The following TENM3 variants were observed in gnomAD, a reference collection of about 807,000 sequenced individuals.
TENM3 encodes teneurin transmembrane protein 3.
A neutral mutation model predicts 255.1 loss-of-function variants in TENM3; 63 were observed. The ratio of observed to expected loss-of-function variants is 0.25; its 90% CI spans 0.20 to 0.30. TENM3 has a LOEUF of 0.30. Among genes scored for constraint, TENM3 ranks in the 10% least tolerant of loss-of-function variants. The pLI is 1.00. For missense variants in TENM3, 2,929 were observed against 3,461.1 expected, an observed-to-expected ratio of 0.85 and a Z score of 3.86; for synonymous variants, 1,306 against 1,322.3, an observed-to-expected ratio of 0.99 and a Z score of 0.27.
the TENM3 span, among the ~76,000 whole-genome samples, chr4:181,623,180 G>C: frequency 6.6e-6 from 1 of 152,118 alleles, no homozygotes; most frequent in Non-Finnish European, 1.5e-5. Context: ...GGCTCGAATG[G>C]CAGTTTTGCT....
At chr4:181,609,441 G>T in the TENM3 span, among the ~76,000 whole-genome samples, 1 of 151,918 alleles carries the variant, frequency 6.6e-6, no homozygotes, top group Admixed American at 6.6e-5. Context: ...TTCTCTTTTA[G>T]ACTTTTTCAC....
the TENM3 span, among the ~76,000 whole-genome samples, chr4:182,050,513 T>C: frequency 6.6e-6 from 1 of 151,986 alleles, no homozygotes; most frequent in African/African-American, 2.4e-5. Flanking sequence ...TGAAAGAAAA[T>C]TCTATTGTGG....
chr4:182,352,037 G>T (rs1765216188), intron 3 of TENM3, among the ~76,000 whole-genome samples: 2 of 152,078 alleles, frequency 1.3e-5, no homozygotes, highest in South Asian at 4.2e-4. Flanking sequence ...ACAATATCAA[G>T]TGCCTACCTA....
At chr4:182,065,193 C>A in the TENM3 span, among the ~76,000 whole-genome samples, 1 of 152,016 alleles carries the variant, frequency 6.6e-6, no homozygotes, top group Admixed American at 6.6e-5. Context: ...TGGCACCATG[C>A]CTATCTAATT....
intron 3 of TENM3, among the ~76,000 whole-genome samples, chr4:182,482,032 T>C (rs1181567290): frequency 6.6e-6 from 1 of 152,202 alleles, no homozygotes; most frequent in African/African-American, 2.4e-5. Flanking sequence ...TAATTGAGTA[T>C]ATTTAAATGC....
chr4:182,725,548 A>G (rs1760093559), intron 13 of TENM3, among the ~76,000 whole-genome samples: 1 of 151,870 alleles, frequency 6.6e-6, no homozygotes, highest in South Asian at 2.1e-4. Context: ...TTTCATCTTC[A>G]TGCCCTTTTG....
intron 19 of TENM3, among the ~76,000 whole-genome samples, chr4:182,750,282 CT>C (rs1418600198): frequency 6.6e-6 from 1 of 152,114 alleles, no homozygotes; most frequent in Non-Finnish European, 1.5e-5. Context: ...CCTAGTCTGT[CT>C]TTTGTCACTC....
At chr4:182,348,096 T>C (rs898954526) in intron 3 of TENM3, among the ~76,000 whole-genome samples, 4 of 152,178 alleles carry the variant, frequency 2.6e-5, no homozygotes, top group Non-Finnish European at 5.9e-5. Flanking sequence ...TTTAAACCAA[T>C]GCAATCAATT....
At chr4:181,933,134 G>A in the TENM3 span, among the ~76,000 whole-genome samples, 1 of 152,086 alleles carries the variant, frequency 6.6e-6, no homozygotes, top group African/African-American at 2.4e-5. Flanking sequence ...TGCACGTTCT[G>A]CACATGTATC....
At chr4:182,129,883 T>A in the TENM3 span, among the ~76,000 whole-genome samples, 3 of 152,126 alleles carry the variant, frequency 2.0e-5, no homozygotes, top group Non-Finnish European at 4.4e-5. Flanking sequence ...GAGATCTAAA[T>A]ACACAGACAC....
chr4:181,887,731 G>T, the TENM3 span, among the ~76,000 whole-genome samples: 146,478 of 152,286 alleles, frequency 0.96, 70,706 homozygotes, highest in East Asian at 1. Context: ...TTGGATAATT[G>T]TATATCCCTT....
chr4:181,783,741 G>A, the TENM3 span, among the ~76,000 whole-genome samples: 44 of 152,242 alleles, frequency 2.9e-4, no homozygotes, highest in Admixed American at 1.5e-3. Flanking sequence ...TTGTCCAGGC[G>A]AGAGTGCAGT....
chr4:181,963,846 C>T, the TENM3 span, among the ~76,000 whole-genome samples: 7 of 151,880 alleles, frequency 4.6e-5, no homozygotes, highest in African/African-American at 1.7e-4. Context: ...ATAAAGAGTC[C>T]CGTGTGTTGT....
chr4:181,636,644 A>G, the TENM3 span, among the ~76,000 whole-genome samples: 1 of 151,828 alleles, frequency 6.6e-6, no homozygotes, highest in Non-Finnish European at 1.5e-5. Flanking sequence ...CACTCCACCC[A>G]CTTCTCCCCA....
the TENM3 span, among the ~76,000 whole-genome samples, chr4:181,678,083 T>C: frequency 2.6e-4 from 39 of 152,176 alleles, no homozygotes; most frequent in Non-Finnish European, 4.9e-4. Flanking sequence ...TATTGAACAC[T>C]TACTGTGTGC....
chr4:181,987,369 G>C, the TENM3 span, among the ~76,000 whole-genome samples: 4 of 152,074 alleles, frequency 2.6e-5, no homozygotes, highest in Non-Finnish European at 5.9e-5. Context: ...GAGATAAAAG[G>C]CTGTTTCCCC....
Position 182,473,502 on chromosome 4 carries a change from T to C in TENM3, c.511+126573T>C, listed in dbSNP as rs1238148165. On this transcript the variant is annotated intron_variant, in intron 3 of 27. Transcript: ENST00000511685. The stretch of plus-strand genomic sequence containing the variant: ...TGCTGGCTAACACAGTGAAACCCCG[T>C]CTCTACTAAAAATACAAAAAATTAG... 2.0e-5 allele frequency among the ~76,000 whole-genome samples: 3 copies of C among 151,946 alleles called. No homozygotes were observed. In the South Asian group the frequency reaches 6.2e-4, roughly 32 times the overall value.
At chr4:182,184,587 T>G (rs2149755397) in intron 1 of TENM3, among the ~76,000 whole-genome samples, 1 of 152,024 alleles carries the variant, frequency 6.6e-6, no homozygotes, top group Admixed American at 6.6e-5. Flanking sequence ...GTTTTAAAAT[T>G]TAGCCAAACC....
At chr4:182,199,663 A>G (rs1335295174) in intron 1 of TENM3, among the ~76,000 whole-genome samples, 1 of 147,850 alleles carries the variant, frequency 6.8e-6, no homozygotes, top group Admixed American at 6.8e-5. Context: ...GTTTTAAATC[A>G]CTTGACGTGG....
Sources: gnomAD v4.1 joint callset for allele counts (sites outside exome capture counted in the v4.1 genomes callset) on GRCh38, gnomAD v4.1.1 for gene constraint, MANE v1.5 for transcripts, NCBI Gene and HGNC (gene_info 2026-07-23, HGNC 2026-07-21) for gene names.